COL25A1: variants seen among roughly 807,000 people sequenced by gnomAD.
COL25A1 encodes the protein collagen type XXV alpha 1 chain, also known as collagen alpha-1(XXV) chain.
Under a neutral mutation model 128.4 loss-of-function variants are expected in COL25A1, and 103 were observed. The ratio of observed to expected loss-of-function variants is 0.80; its 90% CI spans 0.68 to 0.94. The LOEUF (loss-of-function observed/expected upper bound fraction) is 0.94. Ranked by LOEUF, COL25A1 falls within the 40% of genes least tolerant of loss-of-function variation. The probability of loss-of-function intolerance (pLI) is 0.00; values close to 1 mark genes in which losing one functional copy is unlikely to be tolerated. For missense variants in COL25A1, 745 were observed against 840.0 expected, an observed-to-expected ratio of 0.89 and a Z score of 1.40; for synonymous variants, 279 against 277.2, an observed-to-expected ratio of 1.01 and a Z score of -0.06.
intron 20 of COL25A1, among the ~76,000 whole-genome samples, chr4:108,865,244 T>G (rs190737562): frequency 6.6e-6 from 1 of 152,312 alleles, no homozygotes; most frequent in African/African-American, 2.4e-5. Flanking sequence ...AGGAAATACT[T>G]CATCTTGGAA....
chr4:109,218,357 G>GTTTTTTTTTTTTTTGTTTTGTTTTT (rs1560887047), intron 3 of COL25A1, among the ~76,000 whole-genome samples: 1 of 73,530 alleles, frequency 1.4e-5, no homozygotes, highest in Non-Finnish European at 2.3e-5. Context: ...GTTTTTTGGG[G>GTTTTTTTTTTTTTTGTTTTGTTTTT]TTTTTTTTTT....
At chr4:109,187,775 T>A (rs1029235129) in intron 3 of COL25A1, among the ~76,000 whole-genome samples, 2 of 152,210 alleles carry the variant, frequency 1.3e-5, no homozygotes, top group African/African-American at 4.8e-5. Flanking sequence ...GCCCAAGGTA[T>A]AAGGATGTGA....
intron 3 of COL25A1, among the ~76,000 whole-genome samples, chr4:109,254,516 TATATAC>T (rs1335961661): frequency 1.4e-5 from 2 of 138,916 alleles, no homozygotes; most frequent in Admixed American, 7.3e-5. Context: ...TGTATGTGTG[TATATAC>T]ATATACATAT....
chr4:109,234,882 A>G (rs1293114879), intron 3 of COL25A1, among the ~76,000 whole-genome samples: 1 of 152,018 alleles, frequency 6.6e-6, no homozygotes, highest in Non-Finnish European at 1.5e-5. Context: ...AGAAGCTTAT[A>G]TTTTTCAGAG....
chr4:109,290,675 C>G (rs1374510766), intron 3 of COL25A1, among the ~76,000 whole-genome samples: 2 of 151,968 alleles, frequency 1.3e-5, no homozygotes, highest in African/African-American at 4.8e-5. Flanking sequence ...TGGCATGTAT[C>G]AGGGGCGTCC....
chr4:109,178,651 C>T (rs2704100), intron 3 of COL25A1, among the ~76,000 whole-genome samples: 1,985 of 151,786 alleles, frequency 0.013, 40 homozygotes, highest in African/African-American at 0.037. Context: ...GGTGAAACCC[C>T]GTCTCTACTA....
chr4:109,020,769 A>G (rs576468675), intron 5 of COL25A1, among the ~76,000 whole-genome samples: 6 of 152,362 alleles, frequency 3.9e-5, no homozygotes, highest in African/African-American at 1.4e-4. Flanking sequence ...AAAATTTCAC[A>G]TACAGAACAC....
At chr4:108,853,578 A>C (rs1050702381) in intron 24 of COL25A1, among the ~76,000 whole-genome samples, 1 of 152,158 alleles carries the variant, frequency 6.6e-6, no homozygotes, top group Non-Finnish European at 1.5e-5. Context: ...CACATTTGTT[A>C]CATAGGTATA....
At chr4:109,070,067 C>T (rs1417017139) in intron 3 of COL25A1, among the ~76,000 whole-genome samples, 1 of 149,644 alleles carries the variant, frequency 6.7e-6, no homozygotes. Context: ...CCAGCCTGGC[C>T]AACAAGGTGA....
rs191425286 is a variant in COL25A1, at chr4:109,173,246, C to T, written c.368-123067G>A. Among the ~76,000 whole-genome samples the T allele has an allele frequency of 4.6e-3, 698 of 151,954 alleles. 6 individuals carry two copies. The highest frequency in any genetic ancestry group is 0.016 in the African/African-American group (647 of 41,432). On this transcript the variant is annotated intron_variant, in intron 3 of 37. Transcript: ENST00000399132. Reference sequence around the variant, plus strand: ...GACTACAGGCACACACCACCACATCCAGCTAATTTAAAAAAAAAAATAGTA... The same window carrying T: ...GACTACAGGCACACACCACCACATCTAGCTAATTTAAAAAAAAAAATAGTA...
At chr4:108,907,583 A>G (rs11735409) in intron 13 of COL25A1, among the ~76,000 whole-genome samples, 72,824 of 152,084 alleles carry the variant, frequency 0.48, 19,717 homozygotes, top group East Asian at 0.93. Flanking sequence ...TAGTGAAAGG[A>G]GCCAAGCCAG....
intron 5 of COL25A1, among the ~76,000 whole-genome samples, chr4:109,039,157 A>G (rs1321166477): frequency 2.0e-5 from 3 of 152,008 alleles, no homozygotes; most frequent in African/African-American, 7.3e-5. Flanking sequence ...TAGCTGCAAC[A>G]ATACCCTAAT....
chr4:108,976,819 GA>G (rs1445723699), intron 6 of COL25A1, among the ~76,000 whole-genome samples: 2 of 152,302 alleles, frequency 1.3e-5, no homozygotes, highest in African/African-American at 4.8e-5. Context: ...TAACAGCTGT[GA>G]AATTACCATA....
At chr4:108,826,584 A>G (rs1378014318) in intron 33 of COL25A1, among the ~76,000 whole-genome samples, 1 of 152,200 alleles carries the variant, frequency 6.6e-6, no homozygotes. Context: ...AAGACAGAGC[A>G]CTATCAGTGT....
At position 108,863,525 on chromosome 4, in the gene COL25A1, T is replaced by C. The variant is rs1233514011; in HGVS notation, c.1084-138A>G. 4.9e-6 allele frequency: 3 copies of C among 617,108 alleles called. No homozygotes were observed. In the African/African-American group the frequency reaches 5.8e-5, roughly 12 times the overall value. The allele number at this position is 617,108 out of a possible 1,614,324, so 38.2% of individuals were successfully genotyped here. A position where few individuals can be genotyped will look rare whatever the true frequency, so the allele number is the denominator to read the frequency against. ...TACCCTGTACCCAGCACTTTATTAA[T>C]CTCTTAACATGAATTATCTCATTTT... On this transcript the variant is annotated intron_variant, in intron 20 of 37. Coordinates refer to ENST00000399132, the MANE Select transcript of COL25A1 (RefSeq NM_198721.4).
chr4:108,823,403 G>C (rs898763945), intron 35 of COL25A1, among the ~76,000 whole-genome samples: 6 of 151,942 alleles, frequency 3.9e-5, no homozygotes, highest in African/African-American at 1.2e-4. Flanking sequence ...GATGGAGGGA[G>C]GGAGGGAAGG....
At chr4:109,145,915 A>C (rs1489126720) in intron 3 of COL25A1, among the ~76,000 whole-genome samples, 1 of 152,234 alleles carries the variant, frequency 6.6e-6, no homozygotes, top group Non-Finnish European at 1.5e-5. Context: ...ATATCTCCAA[A>C]TATCCAAATA....
intron 3 of COL25A1, among the ~76,000 whole-genome samples, chr4:109,221,980 T>C (rs1460260336): frequency 2.0e-5 from 3 of 152,060 alleles, no homozygotes; most frequent in Non-Finnish European, 2.9e-5. Context: ...AATAGGCATA[T>C]TCTTTCAGAG....
At chr4:109,105,746 A>G (rs1284867371) in intron 3 of COL25A1, among the ~76,000 whole-genome samples, 1 of 152,176 alleles carries the variant, frequency 6.6e-6, no homozygotes, top group Non-Finnish European at 1.5e-5. Context: ...ACTTGCCCTT[A>G]AGGATGGTTC....
Sources: gnomAD v4.1 joint callset for allele counts (sites outside exome capture counted in the v4.1 genomes callset) on GRCh38, gnomAD v4.1.1 for gene constraint, MANE v1.5 for transcripts, NCBI Gene and HGNC (gene_info 2026-07-23, HGNC 2026-07-21) for gene names.